The following NCEH1 variants were observed in gnomAD, a reference collection of about 807,000 sequenced individuals.
The protein encoded by NCEH1 is neutral cholesterol ester hydrolase 1, also known as 2-acetyl MAGE hydrolase.
A neutral mutation model predicts 25.4 loss-of-function variants in NCEH1; 9 were observed. That is an observed-to-expected ratio of 0.35 (90% CI 0.21 to 0.62). The LOEUF is 0.62. Among genes scored for constraint, NCEH1 ranks in the 20% least tolerant of loss-of-function variants. NCEH1 has a pLI of 0.72. For missense variants in NCEH1, 412 were observed against 501.1 expected (o/e 0.82, Z 1.70); for synonymous variants, 200 against 199.8 (o/e 1.00, Z -0.01).
intron 1 of NCEH1, 120 bp from the exon 2 acceptor site, chr3:172,648,234 C>G (rs1298939289): frequency 2.6e-6 from 3 of 1,156,778 alleles, no homozygotes; most frequent in Admixed American, 5.0e-5. Flanking sequence ...CTGGAGGGCT[C>G]ATTGAGCCCT....
chr3:172,646,519 A>G (rs1406187369), intron 2 of NCEH1, among the ~76,000 whole-genome samples: 2 of 152,248 alleles, frequency 1.3e-5, no homozygotes, highest in African/African-American at 4.8e-5. Flanking sequence ...GGTCTGCAGT[A>G]ACAGAACCAA....
intron 1 of NCEH1, among the ~76,000 whole-genome samples, chr3:172,677,476 G>A (rs567796116): frequency 6.6e-6 from 1 of 152,298 alleles, no homozygotes; most frequent in South Asian, 2.1e-4. Flanking sequence ...TCTTTCAAAT[G>A]GACCTTTACA....
intron 3 of NCEH1, among the ~76,000 whole-genome samples, chr3:172,642,460 G>A (rs1716895726): frequency 6.6e-6 from 1 of 151,800 alleles, no homozygotes; most frequent in South Asian, 2.1e-4. Context: ...ACAGGTGTGA[G>A]CCACTACACC....
At chr3:172,651,200 A>C (rs954810696) in intron 1 of NCEH1, among the ~76,000 whole-genome samples, 1 of 152,164 alleles carries the variant, frequency 6.6e-6, no homozygotes, top group African/African-American at 2.4e-5. Context: ...GAGCCAGTAC[A>C]GAAGCTGGAT....
chr3:172,677,313 G>C (rs1712065220), intron 1 of NCEH1, among the ~76,000 whole-genome samples: 1 of 152,140 alleles, frequency 6.6e-6, no homozygotes, highest in Non-Finnish European at 1.5e-5. Context: ...AAACACAAAA[G>C]ATACAAGGGG....
chr3:172,693,225 A>T (rs912652367), intron 1 of NCEH1, among the ~76,000 whole-genome samples: 1 of 152,216 alleles, frequency 6.6e-6, no homozygotes, highest in African/African-American at 2.4e-5. Flanking sequence ...GGCGCTTTAA[A>T]AATGAATAAT....
At chr3:172,634,271 C>T (rs768369737) in intron 4 of NCEH1, among the ~76,000 whole-genome samples, 179 bp from the exon 5 acceptor site, 1 of 152,120 alleles carries the variant, frequency 6.6e-6, no homozygotes, top group Non-Finnish European at 1.5e-5. Context: ...ATTACCATCA[C>T]CACCCTATCA....
intron 2 of NCEH1, among the ~76,000 whole-genome samples, chr3:172,646,736 G>C (rs1355412059): frequency 6.6e-6 from 1 of 152,156 alleles, no homozygotes; most frequent in Non-Finnish European, 1.5e-5. Flanking sequence ...TGCAGAAAAG[G>C]CCAGGCTGAC....
At chr3:172,703,731 T>C (rs1437192254) in intron 1 of NCEH1, among the ~76,000 whole-genome samples, 1 of 152,086 alleles carries the variant, frequency 6.6e-6, no homozygotes, top group Non-Finnish European at 1.5e-5. Context: ...GGGTTATATT[T>C]GTAGAAGTAC....
rs1488408824 is a variant in NCEH1 at position 172,696,595 on chromosome 3, T to TA, written c.138+14251_138+14252insT. 2.6e-5 allele frequency among the ~76,000 whole-genome samples: 4 copies of TA among 152,328 alleles called. No homozygotes were observed. In the South Asian group the frequency reaches 8.3e-4, roughly 32 times the overall value. On this transcript the variant is annotated intron_variant, in intron 1 of 4. Transcript: ENST00000475381. ...CTTGCTAGATCAGTAAACAAACCCT[T>TA]GGGTTATGTCCTCTGTTCAAGGTCA...
chr3:172,633,251 T>G lies in NCEH1; in HGVS notation c.*224A>C. On this transcript the variant is annotated 3_prime_UTR_variant, in exon 5 of 5. Transcript: ENST00000475381. ...GGCTAAGATAACAAGAACAGAGAGA[T>G]TGGCCCACTCTGGGAACCAAATTTA... The G allele has an allele frequency of 1.9e-6, 1 of 534,120 alleles. No homozygotes were observed. Among genetic ancestry groups the G allele is most frequent in the Non-Finnish European group, 3.4e-6 (1 of 298,408 alleles). The allele number at this position is 534,120 out of a possible 1,614,324, so 33.1% of individuals were successfully genotyped here.
chr3:172,633,431 T>C lies in NCEH1; in HGVS notation c.*44A>G. On this transcript the variant is annotated 3_prime_UTR_variant, in exon 5 of 5. Transcript: ENST00000475381. ...AGTGCATGTCTTTCCAAAGCAGGTG[T>C]AGGAGGTCAAGAGGGGCTCGAGGCT... is the stretch of plus-strand genomic sequence containing the variant. The C allele has an allele frequency of 6.4e-7, 1 of 1,573,604 alleles. No homozygotes were observed. Among genetic ancestry groups the C allele is most frequent in the Non-Finnish European group, 8.6e-7 (1 of 1,157,002 alleles).
In NCEH1 at chr3:172,671,425, C is replaced by G. The variant is rs571480403; in HGVS notation, c.139-23311G>C. Among the ~76,000 whole-genome samples, 15 of 151,948 alleles carry G rather than the reference C, an allele frequency of 9.9e-5. No individual in the cohort carries two copies. In the South Asian group the frequency reaches 3.1e-3, roughly 32 times the overall value. ...AAACTTGGGACTTTTACTTAGCATA[C>G]CTTTCGGGTAAAATATTTTCATTGT... On this transcript the variant is annotated intron_variant, in intron 1 of 4. Coordinates refer to ENST00000475381, the MANE Select transcript of NCEH1 (RefSeq NM_020792.6).
intron 1 of NCEH1, among the ~76,000 whole-genome samples, chr3:172,653,735 GTTTT>G (rs1553830302): frequency 2.8e-5 from 2 of 71,026 alleles, no homozygotes; most frequent in African/African-American, 1.0e-4. Flanking sequence ...TTGTTGTTCT[GTTTT>G]TTTTGTTTTT....
intron 1 of NCEH1, among the ~76,000 whole-genome samples, chr3:172,689,051 G>A (rs774044145): frequency 1.1e-3 from 168 of 152,166 alleles, no homozygotes; most frequent in Non-Finnish European, 2.1e-3. Context: ...TGTTTTCAGA[G>A]ACTTTGGTTT....
At position 172,632,185 on chromosome 3, in the gene NCEH1, C is replaced by T. The variant is rs1269631826; in HGVS notation, c.*1290G>A. The stretch of plus-strand genomic sequence containing the variant: ...TATAAACCTAGATGACTTTACTAGG[C>T]GCAGTCATAGTTTCTAATTATTTTA... On this transcript the variant is annotated 3_prime_UTR_variant, in exon 5 of 5. Coordinates refer to ENST00000475381, the MANE Select transcript of NCEH1 (RefSeq NM_020792.6). 4 of 152,212 alleles carry T rather than the reference C, an allele frequency of 2.6e-5. No homozygotes were observed. The highest frequency in any genetic ancestry group is 4.4e-5 in the Non-Finnish European group (3 of 68,030). The allele number at this position is 152,212 out of a possible 1,614,324, so 9.4% of individuals were successfully genotyped here.
rs1340195738 is a variant in NCEH1 at position 172,630,347 on chromosome 3, C to G, written c.*3128G>C. Reference sequence around the variant, plus strand: ...TGGCTGAAACAATTCAGCTCAAACTCTTGGCATTATGATCATCCTTTTCCT... The same window carrying G: ...TGGCTGAAACAATTCAGCTCAAACTGTTGGCATTATGATCATCCTTTTCCT... On this transcript the variant is annotated 3_prime_UTR_variant, in exon 5 of 5. Transcript: ENST00000475381. The G allele has an allele frequency of 1.3e-5, 2 of 152,222 alleles. No homozygotes were observed. Among genetic ancestry groups the G allele is most frequent in the Non-Finnish European group, 1.5e-5 (1 of 68,048 alleles). 9.4% of individuals were successfully genotyped at this position (152,222 alleles called of 1,614,324 possible). A position where few individuals can be genotyped will look rare whatever the true frequency, so the allele number is the denominator to read the frequency against.
At chr3:172,692,219 A>C (rs1713102004) in intron 1 of NCEH1, among the ~76,000 whole-genome samples, 1 of 152,184 alleles carries the variant, frequency 6.6e-6, no homozygotes, top group Admixed American at 6.5e-5. Context: ...AGACTTAAAG[A>C]AGTTTCTATT....
At chr3:172,634,254 C>T (rs1716507238) in intron 4 of NCEH1, among the ~76,000 whole-genome samples, 162 bp from the exon 5 acceptor site, 2 of 152,116 alleles carry the variant, frequency 1.3e-5, no homozygotes, top group Non-Finnish European at 2.9e-5. Flanking sequence ...AAAAATAATT[C>T]TCCATCATTA....
Sources: gnomAD v4.1 joint callset for allele counts (sites outside exome capture counted in the v4.1 genomes callset) on GRCh38, gnomAD v4.1.1 for gene constraint, MANE v1.5 for transcripts, NCBI Gene and HGNC (gene_info 2026-07-23, HGNC 2026-07-21) for gene names.